DOCK11: variants seen among roughly 807,000 people sequenced by gnomAD.
The protein encoded by DOCK11 is dedicator of cytokinesis 11, also known as dedicator of cytokinesis protein 11.
Under a neutral mutation model 169.1 loss-of-function variants are expected in DOCK11, and 70 were observed. The observed-to-expected ratio is 0.41, with a 90% CI of 0.34 to 0.51. The LOEUF (loss-of-function observed/expected upper bound fraction) is 0.51. DOCK11 is among the 20% of genes least tolerant of loss of function. DOCK11 has a pLI of 0.10. For missense variants in DOCK11, 1,166 were observed against 1,538.8 expected (o/e 0.76, Z 4.05); for synonymous variants, 529 against 541.3 (o/e 0.98, Z 0.32).
At chrX:118,529,041 T>C (rs981113382) in intron 1 of DOCK11, among the ~76,000 whole-genome samples, 1 of 108,782 alleles carries the variant, frequency 9.2e-6, no homozygotes, top group African/African-American at 3.4e-5. Context: ...TGGAGTATAG[T>C]GGCGCGATCT....
At chrX:118,558,262 C>T (rs748483664) in intron 6 of DOCK11, among the ~76,000 whole-genome samples, 3 of 110,667 alleles carry the variant, frequency 2.7e-5, no homozygotes, top group African/African-American at 6.6e-5. Context: ...CATGAACCAC[C>T]GCTCCTGGCC....
intron 31 of DOCK11, among the ~76,000 whole-genome samples, chrX:118,621,073 G>A (rs756569818): frequency 8.9e-6 from 1 of 112,641 alleles, no homozygotes; most frequent in Non-Finnish European, 1.9e-5. Context: ...CTGTAAATAA[G>A]TTAGACACTC....
chrX:118,652,836 G>C (rs1030527679), intron 42 of DOCK11, among the ~76,000 whole-genome samples: 3 of 112,411 alleles, frequency 2.7e-5, no homozygotes, highest in African/African-American at 9.7e-5. Flanking sequence ...AGCACAGTTT[G>C]ACAACATTGT....
intron 1 of DOCK11, among the ~76,000 whole-genome samples, chrX:118,505,262 A>G (rs2057603553): frequency 1.8e-5 from 2 of 112,002 alleles, no homozygotes; most frequent in Admixed American, 1.9e-4. Flanking sequence ...CCTGACCTCA[A>G]ATGATCCGCC....
chrX:118,568,727 T>A (rs2013167478), intron 10 of DOCK11, among the ~76,000 whole-genome samples: 2 of 109,625 alleles, frequency 1.8e-5, no homozygotes, highest in Admixed American at 2.0e-4. Context: ...TTCATGAGAG[T>A]TAGATGTGTT....
At chrX:118,646,587 G>T (rs1294228511) in intron 40 of DOCK11, among the ~76,000 whole-genome samples, 2 of 111,629 alleles carry the variant, frequency 1.8e-5, no homozygotes, top group Non-Finnish European at 3.8e-5. Flanking sequence ...GGTCATTGAT[G>T]ATTTTAGCCA....
At chrX:118,670,541 T>A (rs1603182577) in intron 45 of DOCK11, among the ~76,000 whole-genome samples, 1 of 111,227 alleles carries the variant, frequency 9.0e-6, no homozygotes, top group South Asian at 3.8e-4. Flanking sequence ...ACTAAAAAAA[T>A]TTAAAAAAAC....
intron 23 of DOCK11, among the ~76,000 whole-genome samples, chrX:118,604,025 G>GT (rs762027870): frequency 1.3e-4 from 14 of 111,998 alleles, no homozygotes; most frequent in African/African-American, 3.9e-4. Flanking sequence ...TTGAGGTAGA[G>GT]TTATTCTTTG....
At chrX:118,598,535 G>A (rs770438953) in intron 22 of DOCK11, among the ~76,000 whole-genome samples, 7 of 111,902 alleles carry the variant, frequency 6.3e-5, no homozygotes, top group Non-Finnish European at 1.1e-4. Flanking sequence ...TTTTATAGGT[G>A]AGGAAACTGA....
In DOCK11 at chrX:118,608,055, T is replaced by C; in HGVS notation, c.2682-17T>C. The C allele has an allele frequency of 3.4e-6, 4 of 1,178,731 alleles. No homozygotes were observed. The highest frequency in any genetic ancestry group is 1.9e-5 in the South Asian group (1 of 53,155). Reference sequence around the variant, plus strand: ...CATTATAGCATGACATGCTGACTCTTGTGAATGTCGTTTCAGGGTTCTCTT... The same window carrying C: ...CATTATAGCATGACATGCTGACTCTCGTGAATGTCGTTTCAGGGTTCTCTT... On this transcript the variant is annotated splice_polypyrimidine_tract_variant and intron_variant, in intron 24 of 52. Coordinates refer to ENST00000276202, the MANE Select transcript of DOCK11 (RefSeq NM_144658.4).
At chrX:118,592,409 T>C (rs1201848537) in intron 19 of DOCK11, among the ~76,000 whole-genome samples, 1 of 108,985 alleles carries the variant, frequency 9.2e-6, no homozygotes, top group Non-Finnish European at 1.9e-5. Flanking sequence ...TTTCATGTGT[T>C]TTTTGGCTGC....
chrX:118,679,988 G>A (rs1418779898), intron 48 of DOCK11, among the ~76,000 whole-genome samples: 2 of 94,547 alleles, frequency 2.1e-5, no homozygotes, highest in African/African-American at 4.0e-5. Flanking sequence ...GTTCAGTGGC[G>A]CGATCTCGGC....
At chrX:118,665,684 C>T (rs2016323377) in intron 45 of DOCK11, among the ~76,000 whole-genome samples, 1 of 111,953 alleles carries the variant, frequency 8.9e-6, no homozygotes, top group African/African-American at 3.2e-5. Context: ...CCAAGTGCCA[C>T]TTTATTTTTC....
In DOCK11 at chrX:118,599,711, G is replaced by A. The variant is rs1327560503; in HGVS notation, c.2562+483G>A. On this transcript the variant is annotated intron_variant, in intron 23 of 52. Coordinates refer to ENST00000276202, the MANE Select transcript of DOCK11 (RefSeq NM_144658.4). Reference sequence around the variant, plus strand: ...TATTGTATCTTACCACATGTATAGAGGACCTAACACTTGGTTTTTTCCCTG... The same window carrying A: ...TATTGTATCTTACCACATGTATAGAAGACCTAACACTTGGTTTTTTCCCTG... Among the ~76,000 whole-genome samples the A allele has an allele frequency of 2.7e-5, 3 of 112,283 alleles. No homozygotes were observed. In the East Asian group the frequency reaches 8.3e-4, roughly 31 times the overall value.
At position 118,561,520 on chromosome X, in the gene DOCK11, A is replaced by T; in HGVS notation, c.693+3A>T. 1 of 1,179,810 alleles carries T rather than the reference A, an allele frequency of 8.5e-7. No homozygotes were observed. Among genetic ancestry groups the T allele is most frequent in the Non-Finnish European group, 1.1e-6 (1 of 880,876 alleles). On this transcript the variant is annotated splice_donor_region_variant and intron_variant, in intron 7 of 52. Coordinates refer to ENST00000276202, the MANE Select transcript of DOCK11 (RefSeq NM_144658.4). Reference sequence around the variant, plus strand: ...ACGCCTGCATTGATGTTGTTCAGGTAAGGCCATTGAGGTAATCCTTCTCTT... The same window carrying T: ...ACGCCTGCATTGATGTTGTTCAGGTTAGGCCATTGAGGTAATCCTTCTCTT...
At position 118,620,590 on chromosome X, in the gene DOCK11, T is replaced by G. The variant is rs554680409; in HGVS notation, c.3471+1862T>G. On this transcript the variant is annotated intron_variant, in intron 31 of 52. Coordinates refer to ENST00000276202, the MANE Select transcript of DOCK11 (RefSeq NM_144658.4). ...TTGACACATTATAACATACCTCCAC[T>G]TAGTGTAGTTGGCTCAGTTATGTGC... Among the ~76,000 whole-genome samples, 21 of 112,680 alleles carry G rather than the reference T, an allele frequency of 1.9e-4. No homozygotes were observed. In the South Asian group the frequency reaches 7.6e-3, roughly 41 times the overall value.
rs2012092349 is a variant in DOCK11 at position 118,543,102 on chromosome X, G to A, written c.309+87G>A. The A allele has an allele frequency of 1.3e-5, 9 of 672,997 alleles. No individual in the cohort carries two copies. In the South Asian group the frequency reaches 2.6e-4, roughly 20 times the overall value. 55.5% of individuals were successfully genotyped at this position (672,997 alleles called of 1,213,427 possible). A position where few individuals can be genotyped will look rare whatever the true frequency, so the allele number is the denominator to read the frequency against. On this transcript the variant is annotated intron_variant, in intron 3 of 52. Transcript: ENST00000276202. ...ATATGTCTTTATGTATTTGTAACCT[G>A]TTTATAAATACATAAATGTAAAATA...
At chrX:118,685,133 T>C (rs1394023300) in intron 52 of DOCK11, among the ~76,000 whole-genome samples, 1 of 112,586 alleles carries the variant, frequency 8.9e-6, no homozygotes, top group Admixed American at 9.5e-5. Flanking sequence ...ATACAATCTT[T>C]AAATTTTATA....
At chrX:118,528,461 C>T (rs963580218) in intron 1 of DOCK11, among the ~76,000 whole-genome samples, 1 of 111,655 alleles carries the variant, frequency 9.0e-6, no homozygotes, top group Non-Finnish European at 1.9e-5. Context: ...CAGGAACGCA[C>T]TGTCACATTG....
Sources: gnomAD v4.1 joint callset for allele counts (sites outside exome capture counted in the v4.1 genomes callset) on GRCh38, gnomAD v4.1.1 for gene constraint, MANE v1.5 for transcripts, NCBI Gene and HGNC (gene_info 2026-07-23, HGNC 2026-07-21) for gene names.